CSMD1: variants seen among roughly 807,000 people sequenced by gnomAD.
CSMD1 encodes CUB and sushi domain-containing protein 1.
CSMD1 carries 213 observed loss-of-function variants against 417.5 expected under a neutral mutation model. The observed-to-expected ratio is 0.51, with a 90% CI of 0.46 to 0.57. The LOEUF is 0.57. CSMD1 is among the 20% of genes least tolerant of loss of function. The probability of loss-of-function intolerance (pLI) is 0.00; values close to 1 mark genes in which losing one functional copy is unlikely to be tolerated. For missense variants in CSMD1, 6,923 were observed against 4,529.7 expected, an observed-to-expected ratio of 1.53 and a Z score of -15.17; for synonymous variants, 2,862 against 1,736.8, an observed-to-expected ratio of 1.65 and a Z score of -16.11.
intron 5 of CSMD1, among the ~76,000 whole-genome samples, chr8:3,983,285 C>T (rs181468842): frequency 6.6e-6 from 1 of 152,050 alleles, no homozygotes; most frequent in African/African-American, 2.4e-5. Context: ...CGCCCACCAC[C>T]ACGCCCGGCT....
At chr8:4,967,894 G>C (rs917066902) in intron 1 of CSMD1, among the ~76,000 whole-genome samples, 5 of 152,148 alleles carry the variant, frequency 3.3e-5, no homozygotes, top group Non-Finnish European at 7.4e-5. Context: ...GTACCATACC[G>C]TGTGTGGAAG....
chr8:4,933,555 A>C (rs1220542823), intron 1 of CSMD1, among the ~76,000 whole-genome samples: 1 of 152,210 alleles, frequency 6.6e-6, no homozygotes, highest in Non-Finnish European at 1.5e-5. Flanking sequence ...GAAAAGTAGC[A>C]CTTTGATACA....
In CSMD1 at chr8:4,919,178, C is replaced by T. The variant is rs10094137; in HGVS notation, c.85+75154G>A. ...AAATCACTAAAGTAAAATTAAAATC[C>T]TGTAAAACTGAAACGTACTTGAAAT... On this transcript the variant is annotated intron_variant, in intron 1 of 69. Transcript: ENST00000635120. 5.5e-3 allele frequency among the ~76,000 whole-genome samples: 834 copies of T among 152,240 alleles called. 5 individuals carry two copies. Among genetic ancestry groups the T allele is most frequent in the African/African-American group, 0.019 (779 of 41,548 alleles).
At chr8:3,594,477 G>C (rs1209386314) in intron 8 of CSMD1, among the ~76,000 whole-genome samples, 1 of 152,042 alleles carries the variant, frequency 6.6e-6, no homozygotes, top group South Asian at 2.1e-4. Flanking sequence ...AACCCTGTTG[G>C]TAACAAAGCT....
intron 3 of CSMD1, among the ~76,000 whole-genome samples, chr8:4,354,054 T>C (rs1220867670): frequency 3.9e-5 from 6 of 152,242 alleles, no homozygotes; most frequent in African/African-American, 1.4e-4. Flanking sequence ...TCTATGCAGC[T>C]ATATATCATT....
At chr8:3,120,917 A>G (rs1318765764) in intron 41 of CSMD1, among the ~76,000 whole-genome samples, 1 of 152,212 alleles carries the variant, frequency 6.6e-6, no homozygotes, top group African/African-American at 2.4e-5. Flanking sequence ...ATTATTTGCC[A>G]CAACTGTTTG....
chr8:3,354,882 T>TAGATCTATCTAC (rs1808656514), intron 21 of CSMD1, among the ~76,000 whole-genome samples: 1 of 150,046 alleles, frequency 6.7e-6, no homozygotes, highest in African/African-American at 2.4e-5. Flanking sequence ...CATATATCTA[T>TAGATCTATCTAC]AGATATGTCT....
intron 3 of CSMD1, among the ~76,000 whole-genome samples, chr8:4,165,118 G>C (rs1319473286): frequency 3.3e-5 from 5 of 152,072 alleles, no homozygotes; most frequent in South Asian, 2.1e-4. Context: ...TCATGTGCTG[G>C]TGCATGCATG....
At chr8:3,933,426 A>G (rs1444004969) in intron 5 of CSMD1, among the ~76,000 whole-genome samples, 1 of 152,202 alleles carries the variant, frequency 6.6e-6, no homozygotes, top group African/African-American at 2.4e-5. Context: ...TATGACAGAT[A>G]AAACATAGAC....
chr8:3,967,039 T>C (rs796082748), intron 5 of CSMD1, among the ~76,000 whole-genome samples: 16 of 152,316 alleles, frequency 1.1e-4, no homozygotes, highest in African/African-American at 3.4e-4. Context: ...CCGTTTTAGT[T>C]GAGGTAATCC....
chr8:4,882,734 T>C (rs1349224364), intron 1 of CSMD1, among the ~76,000 whole-genome samples: 2 of 151,922 alleles, frequency 1.3e-5, no homozygotes, highest in Non-Finnish European at 2.9e-5. Flanking sequence ...TTATAATATG[T>C]TATAATATTA....
intron 2 of CSMD1, among the ~76,000 whole-genome samples, chr8:4,487,300 C>G (rs1454722305): frequency 6.6e-6 from 1 of 152,084 alleles, no homozygotes; most frequent in Non-Finnish European, 1.5e-5. Context: ...TTAGGTATAT[C>G]TCCTAATGCT....
chr8:4,091,263 A>C (rs530096581), intron 3 of CSMD1, among the ~76,000 whole-genome samples: 1 of 152,196 alleles, frequency 6.6e-6, no homozygotes, highest in Non-Finnish European at 1.5e-5. Flanking sequence ...AATTAGAAAA[A>C]AATAATAATC....
intron 1 of CSMD1, among the ~76,000 whole-genome samples, chr8:4,795,822 G>C (rs1347330277): frequency 1.2e-4 from 19 of 152,208 alleles, no homozygotes; most frequent in East Asian, 3.9e-4. Context: ...ACTGTACTGA[G>C]GCAGCCCTTC....
chr8:3,349,904 TTA>T lies in CSMD1; in HGVS notation c.3305-1745_3305-1744del, dbSNP rs1000554754. Reference sequence around the variant, plus strand: ...CTATATATATATTTATAATATATATTTATATATATTTATATATTATATTATAT... The same window carrying T: ...CTATATATATATTTATAATATATATTTATATATTTATATATTATATTATAT... On this transcript the variant is annotated intron_variant, in intron 21 of 69. Coordinates refer to ENST00000635120, the MANE Select transcript of CSMD1 (RefSeq NM_033225.6). 9.7e-5 allele frequency among the ~76,000 whole-genome samples: 9 copies of T among 92,340 alleles called. 1 individual carries two copies. The South Asian group carries it at 3.0e-3, about 31-fold the overall frequency. 60.6% of individuals were successfully genotyped at this position (92,340 alleles called of 152,430 possible). A position where few individuals can be genotyped will look rare whatever the true frequency, so the allele number is the denominator to read the frequency against.
chr8:3,419,387 C>T (rs1270295458), intron 12 of CSMD1, among the ~76,000 whole-genome samples: 1 of 152,138 alleles, frequency 6.6e-6, no homozygotes, highest in Non-Finnish European at 1.5e-5. Flanking sequence ...CAGATGAAGC[C>T]AGATGAACAA....
chr8:4,789,401 A>G (rs560626687), intron 1 of CSMD1, among the ~76,000 whole-genome samples: 2 of 152,278 alleles, frequency 1.3e-5, no homozygotes, highest in South Asian at 2.1e-4. Flanking sequence ...ATTTTTACCT[A>G]CACTCTCGTA....
intron 3 of CSMD1, among the ~76,000 whole-genome samples, chr8:4,175,194 G>A (rs540956046): frequency 1.3e-5 from 2 of 152,050 alleles, no homozygotes; most frequent in African/African-American, 4.8e-5. Context: ...ACTTCTTACT[G>A]GGGAAAATTG....
intron 7 of CSMD1, among the ~76,000 whole-genome samples, chr8:3,693,899 T>C (rs1452895956): frequency 1.3e-5 from 2 of 151,394 alleles, no homozygotes; most frequent in Admixed American, 6.6e-5. Flanking sequence ...TAGATGTGTG[T>C]TGGCGTCTTG....
Sources: gnomAD v4.1 joint callset for allele counts (sites outside exome capture counted in the v4.1 genomes callset) on GRCh38, gnomAD v4.1.1 for gene constraint, MANE v1.5 for transcripts, NCBI Gene and HGNC (gene_info 2026-07-23, HGNC 2026-07-21) for gene names.